ADGRE1: variants seen among roughly 807,000 people sequenced by gnomAD.
ADGRE1 encodes the protein adhesion G protein-coupled receptor E1.
Under a neutral mutation model 102.7 loss-of-function variants are expected in ADGRE1, and 82 were observed. The ratio of observed to expected loss-of-function variants is 0.80; its 90% CI spans 0.67 to 0.96. The LOEUF is 0.96. ADGRE1 is among the 40% of genes least tolerant of loss of function. The pLI is 0.00. For synonymous variants in ADGRE1, 398 were observed against 399.6 expected (o/e 1.00, Z 0.05); for missense variants, 1,032 against 1,085.3 (o/e 0.95, Z 0.69).
At chr19:6,897,071 C>CT (rs11397719) in intron 3 of ADGRE1, 78 bp from the exon 4 acceptor site, 129,053 of 773,250 alleles carry the variant, frequency 0.17, 3,737 homozygotes, top group East Asian at 0.27. Flanking sequence ...ATTGTTTTAA[C>CT]TTTTTTTTTT....
intron 17 of ADGRE1, among the ~76,000 whole-genome samples, chr19:6,934,600 A>ATT (rs71177133): frequency 1.2e-5 from 1 of 84,048 alleles, no homozygotes; most frequent in Non-Finnish European, 2.7e-5. Context: ...TAATTTTTGT[A>ATT]TTTTTTTTTT....
intron 17 of ADGRE1, among the ~76,000 whole-genome samples, chr19:6,933,319 C>T (rs1394327673): frequency 6.6e-6 from 1 of 152,130 alleles, no homozygotes; most frequent in African/African-American, 2.4e-5. Flanking sequence ...AAAATAATTC[C>T]CCTGGGGCCG....
At position 6,904,022 on chromosome 19, in the gene ADGRE1, C is replaced by T. The variant is rs769221378; in HGVS notation, c.803-14C>T. On this transcript the variant is annotated splice_polypyrimidine_tract_variant and intron_variant, in intron 7 of 20. Coordinates refer to ENST00000312053, the MANE Select transcript of ADGRE1 (RefSeq NM_001974.5). ...GCTCTTCTGGGTTTCTTGATATTCTCCAGTTCTTTGCAGATATTGATGAGT... is the reference window on the plus strand; with the variant it reads ...GCTCTTCTGGGTTTCTTGATATTCTTCAGTTCTTTGCAGATATTGATGAGT... 1 of 1,614,128 alleles carries T rather than the reference C, an allele frequency of 6.2e-7. No homozygotes were observed. The highest frequency in any genetic ancestry group is 1.1e-5 in the South Asian group (1 of 91,078).
At chr19:6,928,238 G>A (rs200848075) in intron 17 of ADGRE1, 27 bp downstream of exon 17, 14 of 1,613,988 alleles carry the variant, frequency 8.7e-6, no homozygotes, top group African/African-American at 1.3e-5. Flanking sequence ...ACAGCCTGGC[G>A]AAGTGTGTTC....
At chr19:6,933,020 A>G (rs1379825410) in intron 17 of ADGRE1, among the ~76,000 whole-genome samples, 1 of 152,170 alleles carries the variant, frequency 6.6e-6, no homozygotes, top group Admixed American at 6.5e-5. Context: ...CAGGAGTCTG[A>G]GACCAGCCCG....
intron 5 of ADGRE1, among the ~76,000 whole-genome samples, chr19:6,899,345 A>G (rs1973684679): frequency 6.6e-6 from 1 of 152,096 alleles, no homozygotes; most frequent in Admixed American, 6.5e-5. Context: ...CACAACCAAG[A>G]ATAATCTGAC....
intron 14 of ADGRE1, among the ~76,000 whole-genome samples, chr19:6,922,434 T>C (rs925630399): frequency 3.3e-5 from 5 of 151,638 alleles, no homozygotes; most frequent in African/African-American, 1.2e-4. Flanking sequence ...GCCAACATGG[T>C]GAAACCCCCG....
At position 6,926,362 on chromosome 19, in the gene ADGRE1, C is replaced by T; in HGVS notation, c.1987-4C>T. On this transcript the variant is annotated splice_region_variant and splice_polypyrimidine_tract_variant and intron_variant, in intron 15 of 20. Transcript: ENST00000312053. ...ATTCTGATGCGCATGCTTCTCCCCT[C>T]CAGATGGGCTGCGCCATCATCGCGG... is the stretch of plus-strand genomic sequence containing the variant. 7 of 1,613,760 alleles carry T rather than the reference C, an allele frequency of 4.3e-6. No individual in the cohort carries two copies. Among genetic ancestry groups the T allele is most frequent in the Non-Finnish European group, 5.9e-6 (7 of 1,180,042 alleles).
At position 6,940,075 on chromosome 19, in the gene ADGRE1, C is replaced by T; in HGVS notation, c.*46C>T. Reference sequence around the variant, plus strand: ...TATGCTATGGAGCCACAGTTGAGGACAGTAGTTTCCTGCAGGAGCCTACCC... The same window carrying T: ...TATGCTATGGAGCCACAGTTGAGGATAGTAGTTTCCTGCAGGAGCCTACCC... On this transcript the variant is annotated 3_prime_UTR_variant, in exon 21 of 21. Coordinates refer to ENST00000312053, the MANE Select transcript of ADGRE1 (RefSeq NM_001974.5). 1 of 1,607,580 alleles carries T rather than the reference C, an allele frequency of 6.2e-7. No individual in the cohort carries two copies. The highest frequency in any genetic ancestry group is 8.5e-7 in the Non-Finnish European group (1 of 1,175,296).
chr19:6,936,602 G>A (rs1425533289), intron 18 of ADGRE1, among the ~76,000 whole-genome samples: 4 of 149,472 alleles, frequency 2.7e-5, no homozygotes, highest in African/African-American at 9.8e-5. Flanking sequence ...GGCAGTGACC[G>A]CCACTATCTA....
rs181089623 is a variant in ADGRE1 at position 6,936,585 on chromosome 19, A to G, written c.2382-658A>G. Among the ~76,000 whole-genome samples, 411 of 151,606 alleles carry G rather than the reference A, an allele frequency of 2.7e-3. 1 individual carries two copies. Among genetic ancestry groups the G allele is most frequent in the Non-Finnish European group, 5.1e-3 (343 of 67,858 alleles). On this transcript the variant is annotated intron_variant, in intron 18 of 20. Transcript: ENST00000312053. ...ACTCGGTGGCTTTTCGTACATTCAC[A>G]GTGTTGGGCAGTGACCGCCACTATC...
At chr19:6,914,732 C>T (rs1163557567) in intron 11 of ADGRE1, among the ~76,000 whole-genome samples, 1 of 152,106 alleles carries the variant, frequency 6.6e-6, no homozygotes, top group Non-Finnish European at 1.5e-5. Flanking sequence ...AGAGGTAGCA[C>T]TATTGAGAAA....
At chr19:6,901,359 T>G (rs759644357) in intron 5 of ADGRE1, among the ~76,000 whole-genome samples, 1 of 152,302 alleles carries the variant, frequency 6.6e-6, no homozygotes, top group East Asian at 1.9e-4. Flanking sequence ...CTTGTTCATA[T>G]GGCAGAGATC....
At position 6,940,406 on chromosome 19, in the gene ADGRE1, A is replaced by C; in HGVS notation, c.*377A>C. ...GCCTATCATACGCCTGATACAGAGA[A>C]CCTCTCAATAAATGATTTGTCGCCT... On this transcript the variant is annotated 3_prime_UTR_variant, in exon 21 of 21. Coordinates refer to ENST00000312053, the MANE Select transcript of ADGRE1 (RefSeq NM_001974.5). 4.1e-6 allele frequency: 1 copy of C among 241,810 alleles called. No individual in the cohort carries two copies. Among genetic ancestry groups the C allele is most frequent in the South Asian group, 7.7e-5 (1 of 13,034 alleles). 15.0% of individuals were successfully genotyped at this position (241,810 alleles called of 1,614,324 possible). A position where few individuals can be genotyped will look rare whatever the true frequency, so the allele number is the denominator to read the frequency against.
At chr19:6,933,724 T>C (rs571426482) in intron 17 of ADGRE1, among the ~76,000 whole-genome samples, 5 of 151,936 alleles carry the variant, frequency 3.3e-5, no homozygotes, top group African/African-American at 7.3e-5. Flanking sequence ...GAGAGGTGGG[T>C]TCTACTGCCA....
intron 2 of ADGRE1, 83 bp downstream of exon 2, chr19:6,890,626 T>C: frequency 7.0e-7 from 1 of 1,436,102 alleles, no homozygotes; most frequent in Non-Finnish European, 9.6e-7. Flanking sequence ...AAGCTGAGCC[T>C]CATCCAGATG....
At chr19:6,919,331 G>C (rs972317059) in intron 12 of ADGRE1, among the ~76,000 whole-genome samples, 1 of 150,850 alleles carries the variant, frequency 6.6e-6, no homozygotes, top group African/African-American at 2.4e-5. Flanking sequence ...TGCCCGGCCA[G>C]AGGTTTTTTT....
At chr19:6,900,794 C>T (rs1973740345) in intron 5 of ADGRE1, among the ~76,000 whole-genome samples, 1 of 152,240 alleles carries the variant, frequency 6.6e-6, no homozygotes, top group Admixed American at 6.5e-5. Flanking sequence ...GAAATCATCT[C>T]TGCCTTTGCT....
chr19:6,932,091 T>A (rs11879887), intron 17 of ADGRE1, among the ~76,000 whole-genome samples: 1 of 151,982 alleles, frequency 6.6e-6, no homozygotes, highest in Non-Finnish European at 1.5e-5. Flanking sequence ...TGGAGTTGGA[T>A]GGGCAAGCCC....
Sources: gnomAD v4.1 joint callset for allele counts (sites outside exome capture counted in the v4.1 genomes callset) on GRCh38, gnomAD v4.1.1 for gene constraint, MANE v1.5 for transcripts, NCBI Gene and HGNC (gene_info 2026-07-23, HGNC 2026-07-21) for gene names.